SULF2: variants seen among roughly 807,000 people sequenced by gnomAD.
SULF2 encodes the protein extracellular sulfatase Sulf-2.
SULF2 carries 52 observed loss-of-function variants against 107.7 expected under a neutral mutation model. The ratio of observed to expected loss-of-function variants is 0.48; its 90% CI spans 0.39 to 0.61. SULF2 has a LOEUF of 0.61. Ranked by LOEUF, SULF2 falls within the 20% of genes least tolerant of loss-of-function variation. SULF2 has a pLI of 0.00. For missense variants in SULF2, 993 were observed against 1,177.3 expected, an observed-to-expected ratio of 0.84 and a Z score of 2.29; for synonymous variants, 460 against 464.3, an observed-to-expected ratio of 0.99 and a Z score of 0.12.
chr20:47,682,126 A>G (rs2087842971), intron 7 of SULF2, among the ~76,000 whole-genome samples: 1 of 152,258 alleles, frequency 6.6e-6, no homozygotes, highest in Non-Finnish European at 1.5e-5. Flanking sequence ...GTCAACAGTC[A>G]GTCATCACTT....
At chr20:47,758,075 A>G (rs542610157) in intron 1 of SULF2, among the ~76,000 whole-genome samples, 27 of 151,754 alleles carry the variant, frequency 1.8e-4, no homozygotes, top group Non-Finnish European at 3.7e-4. Context: ...AAATGAGTAG[A>G]CAGGGCTGTT....
intron 17 of SULF2, 95 bp from the exon 18 acceptor site, chr20:47,661,991 G>A (rs918050583): frequency 1.1e-4 from 148 of 1,298,706 alleles, no homozygotes; most frequent in Non-Finnish European, 1.4e-4. Context: ...GGCAGGTGGC[G>A]GGTGGAAGGT....
chr20:47,711,849 G>T (rs556860733), intron 3 of SULF2, among the ~76,000 whole-genome samples: 1 of 151,302 alleles, frequency 6.6e-6, no homozygotes, highest in African/African-American at 2.4e-5. Context: ...ATACATACAT[G>T]AATATACAAC....
intron 2 of SULF2, among the ~76,000 whole-genome samples, chr20:47,741,651 G>T (rs2089885081): frequency 6.6e-6 from 1 of 152,160 alleles, no homozygotes; most frequent in Non-Finnish European, 1.5e-5. Flanking sequence ...CACGAGTCCA[G>T]GGCACCCCAA....
chr20:47,706,464 TAGAA>T, intron 3 of SULF2: 1 of 152,164 alleles, frequency 6.6e-6, no homozygotes, highest in East Asian at 1.9e-4. Flanking sequence ...ACCCTATTGT[TAGAA>T]AGAAAAAAAA....
At chr20:47,717,813 ATTTTTTT>A (rs11484145) in intron 3 of SULF2, among the ~76,000 whole-genome samples, 13 of 135,458 alleles carry the variant, frequency 9.6e-5, no homozygotes, top group African/African-American at 3.6e-4. Context: ...TTCAGAGATA[ATTTTTTT>A]TTTTTTTTTT....
rs138418745 is a variant in SULF2, at chr20:47,710,594, G to A, written c.416-7924C>T. Among the ~76,000 whole-genome samples the A allele has an allele frequency of 9.4e-4, 141 of 150,122 alleles. 7 individuals are homozygous for A. Among genetic ancestry groups the A allele is most frequent in the African/African-American group, 3.5e-3 (138 of 39,516 alleles). ...TCTCAGCATGTATCCCCATTGTTAC[G>A]TGACACACGACTGTACATTGCTTGG... On this transcript the variant is annotated intron_variant, in intron 3 of 20. Coordinates refer to ENST00000688720, the MANE Select transcript of SULF2 (RefSeq NM_001387048.1).
chr20:47,737,364 GTTTTTTCT>G (rs57200286), intron 2 of SULF2, among the ~76,000 whole-genome samples: 50,458 of 151,970 alleles, frequency 0.33, 8,896 homozygotes, highest in East Asian at 0.61. Context: ...ACATTGTTTT[GTTTTTTCT>G]TTTGGAAACC....
At chr20:47,681,300 T>TAG (rs1056352867) in intron 7 of SULF2, among the ~76,000 whole-genome samples, 39 of 152,328 alleles carry the variant, frequency 2.6e-4, no homozygotes, top group African/African-American at 8.7e-4. Context: ...TCAAAGGTCA[T>TAG]TTCTGCTTGC....
At chr20:47,702,478 GGCCACACA>G in intron 4 of SULF2, 33 bp downstream of exon 4, 1 of 1,597,350 alleles carries the variant, frequency 6.3e-7, no homozygotes, top group Non-Finnish European at 8.5e-7. Flanking sequence ...CTAACTGCTG[GGCCACACA>G]GCCACTCCCA....
chr20:47,721,164 T>C (rs1007671481), intron 3 of SULF2, among the ~76,000 whole-genome samples: 16 of 151,788 alleles, frequency 1.1e-4, no homozygotes, highest in African/African-American at 3.4e-4. Flanking sequence ...AAATACCAAA[T>C]GCAAATCACT....
chr20:47,684,670 A>C, intron 5 of SULF2, 89 bp from the exon 6 acceptor site: 1 of 1,403,412 alleles, frequency 7.1e-7, no homozygotes, highest in Non-Finnish European at 9.8e-7. Context: ...ATGAGCAGCC[A>C]CCCTGTGCTG....
At position 47,659,406 on chromosome 20, in the gene SULF2, T is replaced by G; in HGVS notation, c.2575A>C (p.Lys859Gln). 2 of 1,614,148 alleles carry G rather than the reference T, an allele frequency of 1.2e-6. No individual in the cohort carries two copies. The highest frequency in any genetic ancestry group is 8.5e-7 in the Non-Finnish European group (1 of 1,179,982). ...KWPEMKRPSS[K>Q]SLGQLWEGWE... The stretch of plus-strand genomic sequence containing the variant: ...GCTGGTTCCTCAACTCACAGTGATT[T>G]GGAAGAAGGTCTCTTCATTTCTGGC... Residue 859 changes from lysine to glutamine, a missense_variant, in exon 20 of 21, where the codon AAA (lysine) becomes CAA (glutamine). Lys to Gln is a moderately conservative substitution (Grantham distance 53). This residue lies in a region of SULF2 where 497 missense variants were observed against 544.1 expected (regional missense o/e 0.91). Transcript: ENST00000688720.
chr20:47,679,263 G>C (rs537018328), intron 7 of SULF2, among the ~76,000 whole-genome samples: 2 of 151,992 alleles, frequency 1.3e-5, no homozygotes, highest in Non-Finnish European at 2.9e-5. Flanking sequence ...CCTTTCCCTG[G>C]AGATCAGGGG....
In SULF2 at chr20:47,667,464, A is replaced by G. The variant is rs543547503; in HGVS notation, c.1577-976T>C. 3.9e-5 allele frequency among the ~76,000 whole-genome samples: 6 copies of G among 152,342 alleles called. No homozygotes were observed. The South Asian group carries it at 1.2e-3, about 32-fold the overall frequency. The stretch of plus-strand genomic sequence containing the variant: ...CAAATCTGAGTTGGTAACATTAAAG[A>G]AAAAGGGGAGGTGGTGGCGGTGATG... On this transcript the variant is annotated intron_variant, in intron 11 of 20. Coordinates refer to ENST00000688720, the MANE Select transcript of SULF2 (RefSeq NM_001387048.1).
At chr20:47,716,361 C>G (rs564989908) in intron 3 of SULF2, among the ~76,000 whole-genome samples, 4 of 152,038 alleles carry the variant, frequency 2.6e-5, no homozygotes, top group African/African-American at 9.7e-5. Flanking sequence ...AAAAATTAGC[C>G]GGGTGTGGTG....
chr20:47,683,062 G>A lies in SULF2; in HGVS notation c.996C>T (p.Ser332=), dbSNP rs527351726. 5 of 1,613,694 alleles carry A rather than the reference G, an allele frequency of 3.1e-6. No individual in the cohort carries two copies. The African/African-American group carries it at 5.3e-5, about 17-fold the overall frequency. The change falls in exon 7 of 21, where the codon TCC becomes TCT. Residue 332 remains serine, a synonymous_variant. Coordinates refer to ENST00000688720, the MANE Select transcript of SULF2 (RefSeq NM_001387048.1). ...CCCTGATGTCAAACTCATATGGCAT[G>A]GATTTCCCTTTCACCAGGCCAAACT... The part of the protein sequence containing the change: ...IGQFGLVKGK[S]MPYEFDIRVP...
At position 47,676,503 on chromosome 20, in the gene SULF2, C is replaced by T; in HGVS notation, c.1371G>A (p.Gln457=). The T allele has an allele frequency of 2.5e-6, 4 of 1,608,180 alleles. No homozygotes were observed. Among genetic ancestry groups the T allele is most frequent in the Non-Finnish European group, 3.4e-6 (4 of 1,178,566 alleles). ...AAGGGAGCCTTCTTACCTGTCCCAG[C>T]TGCTCACACGCCGTCTGGTACTCAG... ...QRAEYQTACE[Q]LGQKWQCVED... The change falls in exon 10 of 21, where the codon CAG becomes CAA. Residue 457 remains glutamine (Q), a synonymous_variant. Coordinates refer to ENST00000688720, the MANE Select transcript of SULF2 (RefSeq NM_001387048.1).
intron 3 of SULF2, among the ~76,000 whole-genome samples, chr20:47,722,672 C>T (rs918719256): frequency 6.6e-6 from 1 of 152,144 alleles, no homozygotes; most frequent in South Asian, 2.1e-4. Flanking sequence ...TGGCTCACGC[C>T]TGTAATCCCA....
Sources: allele counts gnomAD v4.1 joint callset (sites outside exome capture counted in the v4.1 genomes callset), GRCh38; gene constraint gnomAD v4.1.1; regional missense constraint gnomAD v4.1.1; transcripts MANE v1.5; gene names NCBI Gene and HGNC (gene_info 2026-07-23, HGNC 2026-07-21).